The following RAN variants were observed in gnomAD, a reference collection of about 807,000 sequenced individuals.
RAN encodes the protein RAN, member RAS oncogene family.
RAN carries 2 observed loss-of-function variants against 26.8 expected under a neutral mutation model. The ratio of observed to expected loss-of-function variants is 0.07; its 90% CI spans 0.03 to 0.23. The LOEUF (loss-of-function observed/expected upper bound fraction) is 0.23. RAN is among the 10% of genes least tolerant of loss of function. The pLI is 1.00. For synonymous variants in RAN, 132 were observed against 95.9 expected (o/e 1.38, Z -2.20); for missense variants, 56 against 264.8 (o/e 0.21, Z 5.47).
intron 4 of RAN, chr12:130,873,677 C>T (rs999252270): frequency 1.1e-4 from 18 of 159,804 alleles, no homozygotes; most frequent in East Asian, 5.6e-4. Context: ...ACTCATCTCT[C>T]TTGGAACCTC....
chr12:130,875,859 C>T lies in RAN; in HGVS notation c.607-23C>T, dbSNP rs774536002. 21 of 1,613,998 alleles carry T rather than the reference C, an allele frequency of 1.3e-5. No homozygotes were observed. The Admixed American group carries it at 1.5e-4, about 12-fold the overall frequency. Reference sequence around the variant, plus strand: ...TGGCAGTTTTGATCTGGAGTGTTAACGTTTTTCCATCTCTTCGTCTAGGTT... The same window carrying T: ...TGGCAGTTTTGATCTGGAGTGTTAATGTTTTTCCATCTCTTCGTCTAGGTT... On this transcript the variant is annotated intron_variant, in intron 6 of 6. Coordinates refer to ENST00000543796, the MANE Select transcript of RAN (RefSeq NM_006325.5).
intron 4 of RAN, 50 bp downstream of exon 4, chr12:130,873,178 C>A (rs202101584): frequency 1.5e-5 from 24 of 1,611,076 alleles, no homozygotes; most frequent in Non-Finnish European, 2.0e-5. Flanking sequence ...TTGTGTACTT[C>A]AGTCTTCAAG....
rs994961045 is a variant in RAN, at chr12:130,873,201, C to G, written c.247+73C>G. The G allele has an allele frequency of 5.1e-6, 8 of 1,578,430 alleles. No homozygotes were observed. The African/African-American group carries it at 1.1e-4, about 21-fold the overall frequency. ...TTCAGTCTTCAAGGTTATAGAAAAT[C>G]AGGTCTGTTCCAACAAATAGTGTCA... is the stretch of plus-strand genomic sequence containing the variant. On this transcript the variant is annotated intron_variant, in intron 4 of 6. Transcript: ENST00000543796.
rs1265933973 is a variant in RAN, at chr12:130,876,118, G to A, written c.*192G>A. 6.4e-6 allele frequency: 4 copies of A among 625,128 alleles called. No homozygotes were observed. Among genetic ancestry groups the A allele is most frequent in the Non-Finnish European group, 1.1e-5 (4 of 362,648 alleles). 38.7% of individuals were successfully genotyped at this position (625,128 alleles called of 1,614,324 possible). ...GTTTAAAAAATAACTTCATTGTTTG[G>A]ACCTGCATATTTAGCTGTTTTGGAA... On this transcript the variant is annotated 3_prime_UTR_variant, in exon 7 of 7. Transcript: ENST00000543796.
At chr12:130,874,275 A>G in intron 4 of RAN, 1 of 369,022 alleles carries the variant, frequency 2.7e-6, no homozygotes, top group Admixed American at 4.4e-5. Flanking sequence ...AATCTCATTT[A>G]GCATTAATTA....
chr12:130,874,962 G>T (rs147231557), intron 5 of RAN, among the ~76,000 whole-genome samples: 2 of 152,104 alleles, frequency 1.3e-5, no homozygotes, highest in Admixed American at 6.6e-5. Context: ...TGGATTACAG[G>T]TGTGTACCAC....
Position 130,872,126 on chromosome 12 carries a change from G to A in RAN, c.-11G>A, listed in dbSNP as rs1348616641. 3 of 268,404 alleles carry A rather than the reference G, an allele frequency of 1.1e-5. No individual in the cohort carries two copies. Among genetic ancestry groups the A allele is most frequent in the Admixed American group, 4.4e-5 (1 of 22,724 alleles). 16.6% of individuals were successfully genotyped at this position (268,404 alleles called of 1,614,324 possible). A position where few individuals can be genotyped will look rare whatever the true frequency, so the allele number is the denominator to read the frequency against. ...GACGGGCGCGGAGACGCTTCTGGAAGGTATCGCGACCCGGCGGGCCCGGCA... is the reference window on the plus strand; with the variant it reads ...GACGGGCGCGGAGACGCTTCTGGAAAGTATCGCGACCCGGCGGGCCCGGCA... On this transcript the variant is annotated splice_region_variant and 5_prime_UTR_variant, in exon 1 of 7. Transcript: ENST00000543796.
intron 1 of RAN, 48 bp from the exon 2 acceptor site, chr12:130,872,535 TG>T: frequency 7.4e-7 from 1 of 1,359,648 alleles, no homozygotes; most frequent in Non-Finnish European, 9.4e-7. Context: ...GGGGCCGCCA[TG>T]GGCTGCGGGG....
Position 130,872,639 on chromosome 12 carries a change from C to A in RAN, c.36+10C>A, listed in dbSNP as rs759761549. The A allele has an allele frequency of 6.6e-7, 1 of 1,525,652 alleles. No individual in the cohort carries two copies. Among genetic ancestry groups the A allele is most frequent in the East Asian group, 2.4e-5 (1 of 42,324 alleles). 94.5% of individuals were successfully genotyped at this position (1,525,652 alleles called of 1,614,324 possible). A position where few individuals can be genotyped will look rare whatever the true frequency, so the allele number is the denominator to read the frequency against. On this transcript the variant is annotated intron_variant, in intron 2 of 6. Coordinates refer to ENST00000543796, the MANE Select transcript of RAN (RefSeq NM_006325.5). ...CCAGGTCCAGTTCAAAGTAGGTAACCCTGCGGGGCGGGAGGCGGCCGAGCC... is the reference window on the plus strand; with the variant it reads ...CCAGGTCCAGTTCAAAGTAGGTAACACTGCGGGGCGGGAGGCGGCCGAGCC...
Position 130,872,591 on chromosome 12 carries a change from G to C in RAN, c.-3G>C. 1 of 1,518,558 alleles carries C rather than the reference G, an allele frequency of 6.6e-7. No individual in the cohort carries two copies. The allele number at this position is 1,518,558 out of a possible 1,614,324, so 94.1% of individuals were successfully genotyped here. A position where few individuals can be genotyped will look rare whatever the true frequency, so the allele number is the denominator to read the frequency against. Reference sequence around the variant, plus strand: ...CGTCCTCTGCCTCCGCAGGAACGCCGCGATGGCTGCGCAGGGAGAGCCCCA... The same window carrying C: ...CGTCCTCTGCCTCCGCAGGAACGCCCCGATGGCTGCGCAGGGAGAGCCCCA... On this transcript the variant is annotated 5_prime_UTR_variant, in exon 2 of 7. Coordinates refer to ENST00000543796, the MANE Select transcript of RAN (RefSeq NM_006325.5).
chr12:130,872,297 G>T, intron 1 of RAN, 171 bp downstream of exon 1: 1 of 153,690 alleles, frequency 6.5e-6, no homozygotes, highest in South Asian at 1.8e-4. Flanking sequence ...AGACGGGCGT[G>T]GGGTCGGCGC....
chr12:130,875,476 G>A (rs1422996770), intron 5 of RAN, 136 bp from the exon 6 acceptor site: 7 of 809,680 alleles, frequency 8.6e-6, no homozygotes, highest in East Asian at 5.4e-5. Flanking sequence ...CTCAGCCCCC[G>A]AAAGTGCTGG....
At chr12:130,873,152 C>T (rs539053769) in intron 4 of RAN, 24 bp downstream of exon 4, 10 of 1,613,732 alleles carry the variant, frequency 6.2e-6, no homozygotes, top group Non-Finnish European at 8.5e-6. Context: ...ACTTGCTGAA[C>T]GGTTTTTGAG....
At position 130,877,213 on chromosome 12, in the gene RAN, C is replaced by T. The variant is rs1189426328; in HGVS notation, c.*1287C>T. 2 of 152,032 alleles carry T rather than the reference C, an allele frequency of 1.3e-5. No homozygotes were observed. The highest frequency in any genetic ancestry group is 1.3e-4 in the Admixed American group (2 of 15,248). The allele number at this position is 152,032 out of a possible 1,614,324, so 9.4% of individuals were successfully genotyped here. ...TTTTTCTCATACGATTACTATAGTC[C>T]AGTTTACCAAAGTTTTCTTTAGATG... On this transcript the variant is annotated 3_prime_UTR_variant, in exon 7 of 7. Coordinates refer to ENST00000543796, the MANE Select transcript of RAN (RefSeq NM_006325.5).
At chr12:130,875,447 T>C (rs1953221851) in intron 5 of RAN, among the ~76,000 whole-genome samples, 165 bp from the exon 6 acceptor site, 1 of 151,384 alleles carries the variant, frequency 6.6e-6, no homozygotes, top group African/African-American at 2.4e-5. Context: ...CGTGTACTAT[T>C]GGCCTCAGGC....
At chr12:130,872,518 C>G in intron 1 of RAN, 66 bp from the exon 2 acceptor site, 1 of 1,215,550 alleles carries the variant, frequency 8.2e-7, no homozygotes, top group Non-Finnish European at 1.0e-6. Flanking sequence ...GCTGGGGGCG[C>G]GGGAGCGGGG....
chr12:130,872,562 C>T (rs1420528654), intron 1 of RAN, 22 bp from the exon 2 acceptor site: 10 of 1,483,910 alleles, frequency 6.7e-6, no homozygotes, highest in Admixed American at 5.6e-5. Flanking sequence ...CGAGCGCTCG[C>T]CTCCGTCCTC....
At position 130,872,832 on chromosome 12, in the gene RAN, A is replaced by T. The variant is rs1237667302; in HGVS notation, c.37-4A>T. ...GTTTACTTCCAAAATGTGTTTTTCA[A>T]CAGCTTGTATTGGTTGGTGATGGTG... is the stretch of plus-strand genomic sequence containing the variant. On this transcript the variant is annotated splice_region_variant and splice_polypyrimidine_tract_variant and intron_variant, in intron 2 of 6. Coordinates refer to ENST00000543796, the MANE Select transcript of RAN (RefSeq NM_006325.5). The T allele has an allele frequency of 1.2e-6, 2 of 1,614,202 alleles. No homozygotes were observed. The highest frequency in any genetic ancestry group is 1.1e-5 in the South Asian group (1 of 91,086).
intron 4 of RAN, chr12:130,873,997 G>T: frequency 2.6e-6 from 1 of 385,220 alleles, no homozygotes; most frequent in South Asian, 1.8e-5. Context: ...ATAGGCACGT[G>T]CCACTATGCC....
Sources: allele counts gnomAD v4.1 joint callset (sites outside exome capture counted in the v4.1 genomes callset), GRCh38; gene constraint gnomAD v4.1.1; transcripts MANE v1.5; gene names NCBI Gene and HGNC (gene_info 2026-07-23, HGNC 2026-07-21).